Variants in PDCD1LG2 observed in about 807,000 individuals in gnomAD.
PDCD1LG2 encodes programmed cell death 1 ligand 2.
PDCD1LG2 carries 32 observed loss-of-function variants against 28.2 expected under a neutral mutation model. That is an observed-to-expected ratio of 1.13 (90% CI 0.86 to 1.52). The LOEUF (loss-of-function observed/expected upper bound fraction) is 1.52. Ranked by LOEUF, PDCD1LG2 falls within the 40% of genes most tolerant of loss-of-function variation. The pLI is 0.00. For synonymous variants in PDCD1LG2, 116 were observed against 120.2 expected, an observed-to-expected ratio of 0.97 and a Z score of 0.23; for missense variants, 385 against 323.8, an observed-to-expected ratio of 1.19 and a Z score of -1.45.
chr9:5,518,630 C>G (rs530513581), intron 1 of PDCD1LG2, among the ~76,000 whole-genome samples: 1 of 152,348 alleles, frequency 6.6e-6, no homozygotes, highest in East Asian at 1.9e-4. Context: ...CAGTTGTTAC[C>G]TGCTGTAAGA....
At chr9:5,533,689 T>C (rs1820525521) in intron 2 of PDCD1LG2, among the ~76,000 whole-genome samples, 1 of 152,028 alleles carries the variant, frequency 6.6e-6, no homozygotes, top group Non-Finnish European at 1.5e-5. Flanking sequence ...TCTTACATAC[T>C]TCTAGTGGCG....
At chr9:5,547,931 T>C (rs1226771708) in intron 3 of PDCD1LG2, among the ~76,000 whole-genome samples, 1 of 136,860 alleles carries the variant, frequency 7.3e-6, no homozygotes, top group Non-Finnish European at 1.5e-5. Flanking sequence ...AGCGAAACTC[T>C]GTCTCAAAAA....
Position 5,567,510 on chromosome 9 carries a change from A to T in PDCD1LG2, c.817-2444A>T, listed in dbSNP as rs547992494. 2.6e-5 allele frequency among the ~76,000 whole-genome samples: 4 copies of T among 152,364 alleles called. No homozygotes were observed. The South Asian group carries it at 6.2e-4, about 24-fold the overall frequency. ...GAGTGGATTATGATACCATAGATAT[A>T]TATCATCTATCCTTTACAAAATAGT... On this transcript the variant is annotated intron_variant, in intron 6 of 6. Coordinates refer to ENST00000397747, the MANE Select transcript of PDCD1LG2 (RefSeq NM_025239.4).
At chr9:5,526,065 T>C (rs986168640) in intron 2 of PDCD1LG2, among the ~76,000 whole-genome samples, 1 of 122,610 alleles carries the variant, frequency 8.2e-6, no homozygotes, top group Non-Finnish European at 1.8e-5. Context: ...AAAAAAAAAG[T>C]AAGGAAGAGA....
At chr9:5,547,094 G>C (rs1215957101) in intron 3 of PDCD1LG2, among the ~76,000 whole-genome samples, 2 of 152,160 alleles carry the variant, frequency 1.3e-5, no homozygotes, top group African/African-American at 2.4e-5. Flanking sequence ...CTCTTCCATA[G>C]GATGTAAAAG....
At chr9:5,560,913 G>A (rs1379337187) in intron 5 of PDCD1LG2, among the ~76,000 whole-genome samples, 1 of 152,064 alleles carries the variant, frequency 6.6e-6, no homozygotes, top group South Asian at 2.1e-4. Context: ...GGGGCTCGAG[G>A]GTGACCTGCT....
intron 2 of PDCD1LG2, among the ~76,000 whole-genome samples, chr9:5,531,040 T>A (rs984131337): frequency 4.6e-5 from 7 of 152,328 alleles, no homozygotes; most frequent in Admixed American, 3.9e-4. Context: ...TGTCTGCACT[T>A]TAGAAGCTCC....
chr9:5,514,139 G>A (rs1820111675), intron 1 of PDCD1LG2, among the ~76,000 whole-genome samples: 1 of 152,186 alleles, frequency 6.6e-6, no homozygotes, highest in African/African-American at 2.4e-5. Context: ...GGAATGATTT[G>A]CTAGGATTCT....
At chr9:5,568,976 A>T (rs1033087263) in intron 6 of PDCD1LG2, among the ~76,000 whole-genome samples, 5 of 152,202 alleles carry the variant, frequency 3.3e-5, no homozygotes, top group Admixed American at 6.5e-5. Flanking sequence ...AAGAAATGGA[A>T]ACAGCAAACT....
chr9:5,532,364 G>A (rs1400170223), intron 2 of PDCD1LG2, among the ~76,000 whole-genome samples: 1 of 152,192 alleles, frequency 6.6e-6, no homozygotes, highest in Non-Finnish European at 1.5e-5. Flanking sequence ...TAAATCTCAA[G>A]TTTGTGCATA....
In PDCD1LG2 at chr9:5,570,026, G is replaced by C. The variant is rs552846542; in HGVS notation, c.*67G>C. ...AAAGAAGCTTCTGGACTCTGAACAA[G>C]AATTCGGTGGCCTGCAGAGCTTGCC... On this transcript the variant is annotated 3_prime_UTR_variant, in exon 7 of 7. Transcript: ENST00000397747. 6 of 1,605,804 alleles carry C rather than the reference G, an allele frequency of 3.7e-6. No homozygotes were observed. The highest frequency in any genetic ancestry group is 3.3e-5 in the South Asian group (3 of 90,836).
At chr9:5,538,409 G>A (rs1339253545) in intron 3 of PDCD1LG2, among the ~76,000 whole-genome samples, 1 of 152,052 alleles carries the variant, frequency 6.6e-6, no homozygotes, top group Non-Finnish European at 1.5e-5. Flanking sequence ...CATTAGGCCG[G>A]GCGCGGTGGC....
At chr9:5,549,721 A>G in intron 4 of PDCD1LG2, 117 bp downstream of exon 4, 1 of 1,279,108 alleles carries the variant, frequency 7.8e-7, no homozygotes, top group South Asian at 1.5e-5. Context: ...AGGTGTGATC[A>G]CCATTTGGAG....
intron 1 of PDCD1LG2, among the ~76,000 whole-genome samples, chr9:5,520,539 T>C (rs1481075116): frequency 6.6e-6 from 1 of 152,228 alleles, no homozygotes; most frequent in Non-Finnish European, 1.5e-5. Context: ...CATTTATATT[T>C]ATCTTAGCAG....
chr9:5,563,122 T>A (rs1208076249), intron 5 of PDCD1LG2, 40 bp from the exon 6 acceptor site: 1 of 1,487,518 alleles, frequency 6.7e-7, no homozygotes, highest in East Asian at 2.3e-5. Flanking sequence ...AACAGTTTTC[T>A]CATTAATCTT....
chr9:5,534,285 A>G (rs576078036), intron 2 of PDCD1LG2, among the ~76,000 whole-genome samples: 1 of 152,300 alleles, frequency 6.6e-6, no homozygotes, highest in East Asian at 1.9e-4. Context: ...GATTGAGGGA[A>G]ACAAACCTGG....
chr9:5,550,900 C>G (rs1217788146), intron 4 of PDCD1LG2, among the ~76,000 whole-genome samples: 2 of 152,114 alleles, frequency 1.3e-5, no homozygotes, highest in African/African-American at 4.8e-5. Context: ...ACCATGTTGG[C>G]CAGGCTGGTC....
intron 2 of PDCD1LG2, among the ~76,000 whole-genome samples, chr9:5,532,075 G>A (rs1820493976): frequency 6.6e-6 from 1 of 152,146 alleles, no homozygotes; most frequent in Non-Finnish European, 1.5e-5. Context: ...TGAGGTGAGA[G>A]CTATTCCAAG....
At chr9:5,533,805 C>T (rs1318607825) in intron 2 of PDCD1LG2, among the ~76,000 whole-genome samples, 1 of 151,730 alleles carries the variant, frequency 6.6e-6, no homozygotes, top group Non-Finnish European at 1.5e-5. Flanking sequence ...CTGAAGTGAA[C>T]TGCTTGGAGC....
Sources: gnomAD v4.1 joint callset for allele counts (sites outside exome capture counted in the v4.1 genomes callset) on GRCh38, gnomAD v4.1.1 for gene constraint, MANE v1.5 for transcripts, NCBI Gene and HGNC (gene_info 2026-07-23, HGNC 2026-07-21) for gene names.